Variants in SMCO2 observed in about 807,000 individuals in gnomAD.
The protein encoded by SMCO2 is single-pass membrane and coiled-coil domain-containing protein 2.
In SMCO2, 25 loss-of-function variants were observed where a neutral mutation model predicts 29.5. The ratio of observed to expected loss-of-function variants is 0.85; its 90% CI spans 0.62 to 1.18. The LOEUF is 1.18. Among genes scored for constraint, SMCO2 ranks in the 50% most tolerant of loss-of-function variants. The pLI is 0.00. For missense variants in SMCO2, 348 were observed against 344.5 expected (o/e 1.01, Z -0.08); for synonymous variants, 117 against 123.3 (o/e 0.95, Z 0.34).
At chr12:27,478,103 A>G (rs385878) in intron 4 of SMCO2, among the ~76,000 whole-genome samples, 32,657 of 152,068 alleles carry the variant, frequency 0.21, 6,506 homozygotes, top group African/African-American at 0.51. Flanking sequence ...GTGTTAGTTG[A>G]GTAGGGTGCT....
chr12:27,491,428 A>G (rs144926385), intron 5 of SMCO2, among the ~76,000 whole-genome samples: 9 of 152,166 alleles, frequency 5.9e-5, no homozygotes, highest in South Asian at 2.1e-4. Flanking sequence ...TAAGTGCTGT[A>G]TGAAGATGTT....
the SMCO2 span, among the ~76,000 whole-genome samples, chr12:27,426,444 A>T: frequency 1.3e-5 from 2 of 152,154 alleles, no homozygotes; most frequent in Non-Finnish European, 2.9e-5. Flanking sequence ...GAAAGCTGAG[A>T]TGAGCGGCAC....
chr12:27,501,463 A>T (rs977549292), intron 7 of SMCO2, among the ~76,000 whole-genome samples: 4 of 149,754 alleles, frequency 2.7e-5, no homozygotes, highest in Admixed American at 2.0e-4. Flanking sequence ...AAACAAAAAA[A>T]GCTTCTATTA....
At chr12:27,491,040 G>T (rs901480408) in intron 5 of SMCO2, among the ~76,000 whole-genome samples, 1 of 152,128 alleles carries the variant, frequency 6.6e-6, no homozygotes, top group Non-Finnish European at 1.5e-5. Flanking sequence ...GCTTATTCTG[G>T]TGAAGGGAAA....
At chr12:27,463,456 G>A (rs905142983), upstream of SMCO2, among the ~76,000 whole-genome samples, 3 of 152,004 alleles carry the variant, frequency 2.0e-5, no homozygotes, top group Non-Finnish European at 2.9e-5. Flanking sequence ...TAGTAGAGAC[G>A]GGGTTTCACC....
the SMCO2 span, among the ~76,000 whole-genome samples, chr12:27,456,721 A>T: frequency 6.6e-6 from 1 of 152,124 alleles, no homozygotes; most frequent in Non-Finnish European, 1.5e-5. Flanking sequence ...GTGAAACTCC[A>T]CTGATGTATA....
chr12:27,479,968 A>G (rs1949627465), intron 4 of SMCO2, among the ~76,000 whole-genome samples: 1 of 152,180 alleles, frequency 6.6e-6, no homozygotes, highest in Non-Finnish European at 1.5e-5. Context: ...GGAAAGAGAG[A>G]AGCCAGTAGC....
chr12:27,467,390 A>G (rs1808684183), intron 1 of SMCO2, among the ~76,000 whole-genome samples: 1 of 151,794 alleles, frequency 6.6e-6, no homozygotes, highest in Non-Finnish European at 1.5e-5. Flanking sequence ...CTAGAGTATG[A>G]GTAACTCCCA....
Position 27,495,876 on chromosome 12 carries a change from A to G in SMCO2, c.683+21A>G, listed in dbSNP as rs1046439482. The G allele has an allele frequency of 3.5e-6, 5 of 1,421,948 alleles. 1 individual carries two copies. The highest frequency in any genetic ancestry group is 4.7e-6 in the Non-Finnish European group (5 of 1,066,810). The allele number at this position is 1,421,948 out of a possible 1,614,324, so 88.1% of individuals were successfully genotyped here. On this transcript the variant is annotated intron_variant, in intron 7 of 7. Transcript: ENST00000298876. The stretch of plus-strand genomic sequence containing the variant: ...GCATGGTAAGTCAGAGCAAGAGGCC[A>G]TTCAGGGCTGGATGACTGCCCCAAA...
At chr12:27,462,000 T>G (rs1949462465), upstream of SMCO2, among the ~76,000 whole-genome samples, 1 of 152,254 alleles carries the variant, frequency 6.6e-6, no homozygotes, top group South Asian at 2.1e-4. Flanking sequence ...TTATTTATCT[T>G]TATCTAAACT....
chr12:27,494,159 C>A (rs1014001025), intron 5 of SMCO2, 141 bp from the exon 7 acceptor site: 3 of 492,190 alleles, frequency 6.1e-6, no homozygotes, highest in South Asian at 3.3e-5. Flanking sequence ...TATGAATTTG[C>A]TCTAAGAGGA....
At chr12:27,445,221 A>G in the SMCO2 span, among the ~76,000 whole-genome samples, 1 of 152,218 alleles carries the variant, frequency 6.6e-6, no homozygotes, top group Non-Finnish European at 1.5e-5. Context: ...AACAAAGAAT[A>G]TCAATGTATT....
chr12:27,462,336 C>T (rs939611254), upstream of SMCO2, among the ~76,000 whole-genome samples: 2 of 152,148 alleles, frequency 1.3e-5, no homozygotes, highest in Non-Finnish European at 2.9e-5. Flanking sequence ...CTCCCCCTTA[C>T]TCCCTTTCTT....
chr12:27,501,870 C>T, intron 7 of SMCO2, 53 bp from the exon 9 acceptor site: 3 of 1,369,280 alleles, frequency 2.2e-6, no homozygotes, highest in Admixed American at 2.7e-5. Flanking sequence ...AGGAGCCTAT[C>T]AATGTGATTA....
the SMCO2 span, among the ~76,000 whole-genome samples, chr12:27,459,310 C>T: frequency 6.6e-6 from 1 of 151,854 alleles, no homozygotes; most frequent in Non-Finnish European, 1.5e-5. Context: ...TTTGCAGCAA[C>T]TTGGATGGAG....
At chr12:27,490,741 G>A (rs370788) in intron 5 of SMCO2, among the ~76,000 whole-genome samples, 18,622 of 152,078 alleles carry the variant, frequency 0.12, 2,193 homozygotes, top group African/African-American at 0.29. Context: ...ACCAGCCACG[G>A]CAACATAGCG....
At chr12:27,444,866 A>T in the SMCO2 span, among the ~76,000 whole-genome samples, 1 of 152,244 alleles carries the variant, frequency 6.6e-6, no homozygotes, top group Admixed American at 6.5e-5. Flanking sequence ...AAATCAATAT[A>T]TCAAAGAGAT....
intron 4 of SMCO2, among the ~76,000 whole-genome samples, chr12:27,477,210 GTTTTTTTT>G (rs770789669): frequency 3.2e-5 from 2 of 62,668 alleles, no homozygotes; most frequent in East Asian, 1.5e-3. Context: ...TGGCTGTCAG[GTTTTTTTT>G]TTTTTTTTTT....
the SMCO2 span, among the ~76,000 whole-genome samples, chr12:27,447,026 G>C: frequency 2.6e-5 from 4 of 152,292 alleles, no homozygotes; most frequent in South Asian, 8.3e-4. Flanking sequence ...AGACAGCATT[G>C]AAAACACTGT....
Sources: allele counts gnomAD v4.1 joint callset (sites outside exome capture counted in the v4.1 genomes callset), GRCh38; gene constraint gnomAD v4.1.1; transcripts MANE v1.5; gene names NCBI Gene and HGNC (gene_info 2026-07-23, HGNC 2026-07-21).